The following SLC2A13 variants were observed in gnomAD, a reference collection of about 807,000 sequenced individuals.
SLC2A13 encodes solute carrier family 2 member 13.
A neutral mutation model predicts 64.4 loss-of-function variants in SLC2A13; 32 were observed. The observed-to-expected ratio is 0.50, with a 90% CI of 0.37 to 0.67. SLC2A13 has a LOEUF of 0.67. Ranked by LOEUF, SLC2A13 falls within the 30% of genes least tolerant of loss-of-function variation. The pLI, the probability that SLC2A13 is intolerant of heterozygous loss-of-function variation, is 0.00. For synonymous variants in SLC2A13, 338 were observed against 327.1 expected (o/e 1.03, Z -0.36); for missense variants, 743 against 829.2 (o/e 0.90, Z 1.28).
At chr12:39,990,607 G>A (rs1014346472) in intron 3 of SLC2A13, among the ~76,000 whole-genome samples, 4 of 152,178 alleles carry the variant, frequency 2.6e-5, no homozygotes, top group Non-Finnish European at 5.9e-5. Flanking sequence ...CAGTGCTGAA[G>A]GAAACAGGGC....
chr12:39,834,667 G>A (rs530961849), intron 6 of SLC2A13, among the ~76,000 whole-genome samples: 5 of 151,912 alleles, frequency 3.3e-5, no homozygotes, highest in African/African-American at 7.2e-5. Context: ...AGTGGGGCTC[G>A]GTGTGGGAAC....
intron 1 of SLC2A13, among the ~76,000 whole-genome samples, chr12:40,083,140 A>T (rs1361273372): frequency 1.3e-5 from 2 of 152,142 alleles, no homozygotes; most frequent in East Asian, 3.8e-4. Context: ...ACCTTATGTC[A>T]CAGTTCTGTA....
chr12:40,105,746 G>A lies in SLC2A13; in HGVS notation c.63C>T (p.Gly21=). 1 of 1,488,668 alleles carries A rather than the reference G, an allele frequency of 6.7e-7. No individual in the cohort carries two copies. Among genetic ancestry groups the A allele is most frequent in the Non-Finnish European group, 8.9e-7 (1 of 1,119,902 alleles). 92.2% of individuals were successfully genotyped at this position (1,488,668 alleles called of 1,614,324 possible). ...YTLRSLSSLM[G]ERRRKQPEPD... is the part of the protein sequence containing the mutation. Reference sequence around the variant, plus strand: ...GCTCCGGCTGCTTCCTGCGCCGCTCGCCCATCAGGCTGCTCAGGCTCCGCA... The same window carrying A: ...GCTCCGGCTGCTTCCTGCGCCGCTCACCCATCAGGCTGCTCAGGCTCCGCA... The change falls in exon 1 of 10, where the codon GGC becomes GGT. Residue 21 remains glycine, a synonymous_variant. Transcript: ENST00000280871. The surrounding 1 kb of genome is among the most constrained non-coding windows in gnomAD (Gnocchi z 4.2).
chr12:39,984,019 G>A (rs1473358789), intron 3 of SLC2A13, among the ~76,000 whole-genome samples: 3 of 149,320 alleles, frequency 2.0e-5, no homozygotes, highest in Non-Finnish European at 3.0e-5. Flanking sequence ...ATGAGTTCAT[G>A]TCCTTTGTAG....
At chr12:39,813,026 G>GTTTTTTTTTTTTTTTTT (rs1942235249) in intron 7 of SLC2A13, among the ~76,000 whole-genome samples, 1 of 1,722 alleles carries the variant, frequency 5.8e-4, no homozygotes, top group Non-Finnish European at 2.4e-3. Context: ...TTTTTTTTTA[G>GTTTTTTTTTTTTTTTTT]TAGAGATGGG....
chr12:39,895,524 AT>A (rs1944737013), intron 4 of SLC2A13, among the ~76,000 whole-genome samples: 1 of 28,606 alleles, frequency 3.5e-5, no homozygotes, highest in Non-Finnish European at 7.2e-5. Flanking sequence ...TTATATATAT[AT>A]ATATATATAT....
intron 4 of SLC2A13, among the ~76,000 whole-genome samples, chr12:39,875,336 T>A (rs74086918): frequency 0.018 from 2,721 of 152,314 alleles, 78 homozygotes; most frequent in African/African-American, 0.062. Flanking sequence ...ATTTGTCAAG[T>A]CCCTCTCATG....
At chr12:40,082,932 G>C (rs1938461031) in intron 1 of SLC2A13, among the ~76,000 whole-genome samples, 1 of 151,976 alleles carries the variant, frequency 6.6e-6, no homozygotes, top group Non-Finnish European at 1.5e-5. Context: ...TTCAGCCCGG[G>C]GTCTGTATCC....
chr12:39,843,609 A>C (rs1263391118), intron 6 of SLC2A13, among the ~76,000 whole-genome samples: 1 of 152,052 alleles, frequency 6.6e-6, no homozygotes, highest in African/African-American at 2.4e-5. Context: ...ATACAATGAG[A>C]GTATGAAATA....
chr12:39,816,853 G>A (rs1942355513), intron 7 of SLC2A13, among the ~76,000 whole-genome samples: 1 of 152,230 alleles, frequency 6.6e-6, no homozygotes, highest in South Asian at 2.1e-4. Flanking sequence ...CTAAACATTT[G>A]AAAGATTTTA....
intron 3 of SLC2A13, among the ~76,000 whole-genome samples, chr12:39,960,185 T>C (rs1017151767): frequency 2.0e-5 from 3 of 152,218 alleles, no homozygotes; most frequent in Admixed American, 6.5e-5. Context: ...CCGCAGTACC[T>C]GACATTTTGG....
chr12:39,935,655 G>C (rs186442365), intron 4 of SLC2A13, among the ~76,000 whole-genome samples: 1 of 152,282 alleles, frequency 6.6e-6, no homozygotes, highest in African/African-American at 2.4e-5. Flanking sequence ...TATCCACTCA[G>C]AGTGCTAAAG....
In SLC2A13 at chr12:39,864,664, G is replaced by A. The variant is rs577159058; in HGVS notation, c.1319+98C>T. The stretch of plus-strand genomic sequence containing the variant: ...CTTCTTACATAAGCCTGGATGCCCA[G>A]CAAGCTCCTACTCATCTCTACAACT... On this transcript the variant is annotated intron_variant, in intron 6 of 9. Coordinates refer to ENST00000280871, the MANE Select transcript of SLC2A13 (RefSeq NM_052885.4). 2.0e-6 allele frequency: 3 copies of A among 1,474,036 alleles called. No individual in the cohort carries two copies. The South Asian group carries it at 4.1e-5, about 20-fold the overall frequency. The allele number at this position is 1,474,036 out of a possible 1,614,324, so 91.3% of individuals were successfully genotyped here.
intron 3 of SLC2A13, among the ~76,000 whole-genome samples, chr12:39,986,051 A>G (rs1204203851): frequency 6.6e-6 from 1 of 152,096 alleles, no homozygotes; most frequent in Non-Finnish European, 1.5e-5. Context: ...CTGTGTCCTC[A>G]CATGACGGGA....
intron 3 of SLC2A13, among the ~76,000 whole-genome samples, chr12:39,995,638 C>G (rs1947214657): frequency 6.6e-6 from 1 of 152,142 alleles, no homozygotes; most frequent in Non-Finnish European, 1.5e-5. Flanking sequence ...TTGTCTTTTC[C>G]ATACCAAATG....
intron 1 of SLC2A13, among the ~76,000 whole-genome samples, chr12:40,097,558 C>T (rs1044009003): frequency 1.3e-5 from 2 of 152,002 alleles, no homozygotes; most frequent in Admixed American, 6.6e-5. Flanking sequence ...AGGTCAGGGA[C>T]GTGAAAATGC....
At chr12:39,980,182 A>G (rs1297631970) in intron 3 of SLC2A13, among the ~76,000 whole-genome samples, 2 of 151,790 alleles carry the variant, frequency 1.3e-5, no homozygotes, top group African/African-American at 2.4e-5. Context: ...AGCGCTAAAC[A>G]TGGAAAGGAA....
At chr12:40,055,096 A>C (rs1396167618) in intron 1 of SLC2A13, among the ~76,000 whole-genome samples, 1 of 152,152 alleles carries the variant, frequency 6.6e-6, no homozygotes, top group Non-Finnish European at 1.5e-5. Flanking sequence ...CATTTTTTCC[A>C]AACAGTCAAG....
At chr12:39,924,560 A>G (rs568284305) in intron 4 of SLC2A13, among the ~76,000 whole-genome samples, 143 of 152,264 alleles carry the variant, frequency 9.4e-4, no homozygotes, top group Admixed American at 1.6e-3. Context: ...CTGACACAAC[A>G]TAGATACTAA....
Sources: allele counts gnomAD v4.1 joint callset (sites outside exome capture counted in the v4.1 genomes callset), GRCh38; gene constraint gnomAD v4.1.1; non-coding constraint Gnocchi (gnomAD v3.1); transcripts MANE v1.5; gene names NCBI Gene and HGNC (gene_info 2026-07-23, HGNC 2026-07-21).